The following UNC5C variants were observed in gnomAD, a reference collection of about 807,000 sequenced individuals.
UNC5C encodes unc-5 netrin receptor C, also known as netrin receptor UNC5C.
UNC5C carries 47 observed loss-of-function variants against 99.8 expected under a neutral mutation model. The ratio of observed to expected loss-of-function variants is 0.47; its 90% confidence interval spans 0.37 to 0.60. The LOEUF is 0.60. Ranked by LOEUF, UNC5C falls within the 20% of genes least tolerant of loss-of-function variation. UNC5C has a pLI of 0.00. For missense variants in UNC5C, 1,062 were observed against 1,165.9 expected (o/e 0.91, Z 1.30); for synonymous variants, 487 against 452.2 (o/e 1.08, Z -0.98).
At chr4:95,296,860 T>C (rs1191848434) in intron 3 of UNC5C, among the ~76,000 whole-genome samples, 1 of 152,162 alleles carries the variant, frequency 6.6e-6, no homozygotes, top group Non-Finnish European at 1.5e-5. Flanking sequence ...TTATAATTAA[T>C]AAAAAATCAA....
chr4:95,491,700 T>G (rs574479134), intron 1 of UNC5C, among the ~76,000 whole-genome samples: 3 of 151,744 alleles, frequency 2.0e-5, no homozygotes, highest in Non-Finnish European at 4.4e-5. Context: ...AGTAAAATTA[T>G]AACTATCAAT....
chr4:95,213,166 T>C (rs1738133377), intron 10 of UNC5C, among the ~76,000 whole-genome samples: 1 of 152,226 alleles, frequency 6.6e-6, no homozygotes, highest in Non-Finnish European at 1.5e-5. Flanking sequence ...ATTGATTTCT[T>C]CACCCTTTGA....
At chr4:95,172,838 C>G (rs1579195808) in intron 14 of UNC5C, among the ~76,000 whole-genome samples, 1 of 152,056 alleles carries the variant, frequency 6.6e-6, no homozygotes, top group Non-Finnish European at 1.5e-5. Context: ...GGCAGTATGG[C>G]CATTTTCACG....
chr4:95,346,081 G>C (rs1481096537), intron 1 of UNC5C, among the ~76,000 whole-genome samples: 4 of 132,456 alleles, frequency 3.0e-5, no homozygotes, highest in African/African-American at 1.1e-4. Flanking sequence ...TCATTTTCAA[G>C]TTTTTTGAAA....
intron 1 of UNC5C, among the ~76,000 whole-genome samples, chr4:95,413,324 C>G (rs1310291159): frequency 6.6e-6 from 1 of 152,132 alleles, no homozygotes; most frequent in Non-Finnish European, 1.5e-5. Context: ...TCTGGAGATG[C>G]CCACAAGAGT....
intron 1 of UNC5C, among the ~76,000 whole-genome samples, chr4:95,350,081 C>A (rs1472913558): frequency 6.6e-6 from 1 of 152,210 alleles, no homozygotes; most frequent in South Asian, 2.1e-4. Context: ...ATGTAAATAT[C>A]ATGTTTATAA....
chr4:95,526,145 T>C (rs923470142), intron 1 of UNC5C, among the ~76,000 whole-genome samples: 2 of 152,180 alleles, frequency 1.3e-5, no homozygotes, highest in African/African-American at 4.8e-5. Context: ...ACTGTGAGCA[T>C]GATCTAACTT....
intron 12 of UNC5C, among the ~76,000 whole-genome samples, chr4:95,186,353 C>T (rs952977523): frequency 6.6e-6 from 1 of 152,124 alleles, no homozygotes; most frequent in South Asian, 2.1e-4. Context: ...GGGTACCCAC[C>T]AGGGTACCAA....
chr4:95,516,062 T>G (rs913806063), intron 1 of UNC5C, among the ~76,000 whole-genome samples: 1 of 152,208 alleles, frequency 6.6e-6, no homozygotes, highest in African/African-American at 2.4e-5. Flanking sequence ...TAACTGTACA[T>G]GCTTTTGGAC....
At chr4:95,505,426 C>T (rs1484434087) in intron 1 of UNC5C, among the ~76,000 whole-genome samples, 1 of 152,106 alleles carries the variant, frequency 6.6e-6, no homozygotes, top group Non-Finnish European at 1.5e-5. Flanking sequence ...CCACTCTCAT[C>T]AAAGACCATG....
intron 1 of UNC5C, among the ~76,000 whole-genome samples, chr4:95,534,915 A>G (rs558178140): frequency 2.3e-4 from 35 of 152,238 alleles, no homozygotes; most frequent in African/African-American, 8.4e-4. Flanking sequence ...AAAATTTCTG[A>G]TACAGTGAGG....
chr4:95,180,788 T>C (rs1395065990), intron 14 of UNC5C, among the ~76,000 whole-genome samples: 1 of 152,086 alleles, frequency 6.6e-6, no homozygotes, highest in Non-Finnish European at 1.5e-5. Flanking sequence ...TCCTGGGAGA[T>C]AGGACATTGG....
intron 1 of UNC5C, among the ~76,000 whole-genome samples, chr4:95,505,060 G>T (rs1303066145): frequency 6.6e-6 from 1 of 152,052 alleles, no homozygotes; most frequent in Non-Finnish European, 1.5e-5. Context: ...TATGACAGGG[G>T]CTCAAAGAGA....
intron 1 of UNC5C, among the ~76,000 whole-genome samples, chr4:95,379,029 C>T (rs772315410): frequency 1.5e-4 from 23 of 151,938 alleles, no homozygotes; most frequent in Admixed American, 6.6e-5. Context: ...GAACTAAGCC[C>T]TCATACTAAG....
intron 1 of UNC5C, among the ~76,000 whole-genome samples, chr4:95,505,310 T>C (rs1295731849): frequency 6.6e-6 from 1 of 152,098 alleles, no homozygotes; most frequent in Non-Finnish European, 1.5e-5. Context: ...GCCAGGTCTT[T>C]ATGAGCGAGC....
At chr4:95,329,908 T>A (rs1044859523) in intron 2 of UNC5C, among the ~76,000 whole-genome samples, 2 of 152,202 alleles carry the variant, frequency 1.3e-5, no homozygotes, top group Non-Finnish European at 2.9e-5. Context: ...CTACTAATGA[T>A]GATGGTGATG....
chr4:95,466,875 T>C (rs755999560), intron 1 of UNC5C, among the ~76,000 whole-genome samples: 1 of 152,164 alleles, frequency 6.6e-6, no homozygotes, highest in Non-Finnish European at 1.5e-5. Context: ...CTAACTTCAT[T>C]CCCATTGGGT....
chr4:95,483,580 G>C (rs1721236822), intron 1 of UNC5C, among the ~76,000 whole-genome samples: 2 of 151,742 alleles, frequency 1.3e-5, no homozygotes, highest in South Asian at 4.1e-4. Flanking sequence ...CTGAGAAACA[G>C]ACCCTTTTAT....
At chr4:95,329,881 A>G (rs919525658) in intron 2 of UNC5C, among the ~76,000 whole-genome samples, 2 of 152,152 alleles carry the variant, frequency 1.3e-5, no homozygotes, top group Admixed American at 6.6e-5. Flanking sequence ...AAACCAACCA[A>G]CCAACTGCCA....
Sources: gnomAD v4.1 joint callset for allele counts (sites outside exome capture counted in the v4.1 genomes callset) on GRCh38, gnomAD v4.1.1 for gene constraint, MANE v1.5 for transcripts, NCBI Gene and HGNC (gene_info 2026-07-23, HGNC 2026-07-21) for gene names.